Variants in AGBL4 observed in about 807,000 individuals in gnomAD.
AGBL4 encodes AGBL carboxypeptidase 4.
Under a neutral mutation model 66.4 loss-of-function variants are expected in AGBL4, and 58 were observed. The observed-to-expected ratio is 0.87, with a 90% confidence interval of 0.71 to 1.09. The LOEUF (loss-of-function observed/expected upper bound fraction) is 1.09, where lower values mean the gene tolerates loss of function less well. Among genes scored for constraint, AGBL4 ranks in the 50% least tolerant of loss-of-function variants. The pLI is 0.00. For synonymous variants in AGBL4, 234 were observed against 222.9 expected (o/e 1.05, Z -0.44); for missense variants, 579 against 631.0 (o/e 0.92, Z 0.88).
intron 3 of AGBL4, among the ~76,000 whole-genome samples, chr1:49,273,051 T>G (rs1233019604): frequency 6.6e-6 from 1 of 152,192 alleles, no homozygotes; most frequent in Non-Finnish European, 1.5e-5. Context: ...GTCTGTGAGC[T>G]TATGTCTTCA....
intron 4 of AGBL4, among the ~76,000 whole-genome samples, chr1:49,058,971 A>C (rs1267192176): frequency 6.6e-6 from 1 of 152,230 alleles, no homozygotes. Flanking sequence ...AGAGCAGAAA[A>C]GTTTGGAAAA....
chr1:49,670,286 C>CA (rs1334737157), intron 3 of AGBL4, among the ~76,000 whole-genome samples: 1 of 152,030 alleles, frequency 6.6e-6, no homozygotes, highest in Non-Finnish European at 1.5e-5. Context: ...TGGTGCTAAC[C>CA]AAAAAACAAA....
chr1:49,226,207 C>A (rs747126099), intron 4 of AGBL4, among the ~76,000 whole-genome samples: 1 of 152,050 alleles, frequency 6.6e-6, no homozygotes, highest in Non-Finnish European at 1.5e-5. Context: ...ACATTTCCAG[C>A]CTTAATGCAT....
At chr1:48,806,292 G>T (rs543860996) in intron 6 of AGBL4, among the ~76,000 whole-genome samples, 1 of 152,158 alleles carries the variant, frequency 6.6e-6, no homozygotes, top group Non-Finnish European at 1.5e-5. Flanking sequence ...GGGGCAAAAA[G>T]ATGTGACTTC....
intron 6 of AGBL4, among the ~76,000 whole-genome samples, chr1:48,860,651 G>A (rs1647385760): frequency 6.6e-6 from 1 of 152,172 alleles, no homozygotes; most frequent in Non-Finnish European, 1.5e-5. Flanking sequence ...GAGGAATATA[G>A]ACTCAGGAAC....
chr1:49,177,135 C>A (rs186974637), intron 4 of AGBL4, among the ~76,000 whole-genome samples: 1 of 152,160 alleles, frequency 6.6e-6, no homozygotes, highest in Admixed American at 6.5e-5. Flanking sequence ...AATAGTTAAA[C>A]CCCTGAGTTC....
intron 1 of AGBL4, among the ~76,000 whole-genome samples, chr1:49,983,518 A>G (rs1659249358): frequency 6.6e-6 from 1 of 152,240 alleles, no homozygotes; most frequent in Non-Finnish European, 1.5e-5. Flanking sequence ...AGCACAAGTC[A>G]CAGGCAGCCT....
At chr1:49,927,221 T>C (rs892708962) in intron 1 of AGBL4, among the ~76,000 whole-genome samples, 1 of 152,170 alleles carries the variant, frequency 6.6e-6, no homozygotes, top group African/African-American at 2.4e-5. Flanking sequence ...ATCAATACTT[T>C]GCATCTACAA....
chr1:49,860,615 C>A (rs1249463279), intron 1 of AGBL4, among the ~76,000 whole-genome samples: 1 of 152,164 alleles, frequency 6.6e-6, no homozygotes, highest in Non-Finnish European at 1.5e-5. Flanking sequence ...GGAAGAATCA[C>A]CTCAGCCCAG....
At chr1:49,489,948 G>C (rs1383536512) in intron 3 of AGBL4, among the ~76,000 whole-genome samples, 1 of 151,532 alleles carries the variant, frequency 6.6e-6, no homozygotes, top group African/African-American at 2.4e-5. Flanking sequence ...TTTTCTCTTG[G>C]ATTTTCTATG....
chr1:48,904,209 G>T (rs865980947), intron 5 of AGBL4, among the ~76,000 whole-genome samples: 2 of 152,160 alleles, frequency 1.3e-5, no homozygotes, highest in African/African-American at 2.4e-5. Flanking sequence ...AACCTGGGAG[G>T]CAGAGGTTGC....
At chr1:49,335,941 TTTTCCTAAATGGCATATGTTAGTCTGGG>T (rs759779958) in intron 3 of AGBL4, among the ~76,000 whole-genome samples, 12 of 152,138 alleles carry the variant, frequency 7.9e-5, no homozygotes, top group Non-Finnish European at 1.6e-4. Flanking sequence ...GTGTGTTCTT[TTTTCCTAAATGGCATATGTTAGTCTGGG>T]TTCTCCAGAG....
intron 3 of AGBL4, among the ~76,000 whole-genome samples, chr1:49,644,507 T>C (rs1405964809): frequency 1.3e-5 from 2 of 151,560 alleles, no homozygotes; most frequent in East Asian, 3.8e-4. Flanking sequence ...AATGTCTATA[T>C]TAATATCAAA....
chr1:49,620,517 C>G (rs6684606), intron 3 of AGBL4, among the ~76,000 whole-genome samples: 103,802 of 152,060 alleles, frequency 0.68, 36,154 homozygotes, highest in African/African-American at 0.77. Context: ...TACACTGTTG[C>G]TGGGAGTGTC....
intron 4 of AGBL4, among the ~76,000 whole-genome samples, chr1:49,071,706 A>G (rs1197746897): frequency 6.6e-6 from 1 of 151,996 alleles, no homozygotes; most frequent in African/African-American, 2.4e-5. Context: ...GGTGCTGAGA[A>G]GAATGCATAT....
At position 49,176,637 on chromosome 1, in the gene AGBL4, C is replaced by T. The variant is rs146818996; in HGVS notation, c.377+69133G>A. On this transcript the variant is annotated intron_variant, in intron 4 of 13. Transcript: ENST00000371839. ...ATGCACAGATGATAGAACACATGGA[C>T]TTTGCGCAAACTGCTTCTAATGAGA... Among the ~76,000 whole-genome samples, 720 of 152,212 alleles carry T rather than the reference C, an allele frequency of 4.7e-3. 5 individuals carry two copies. Among genetic ancestry groups the T allele is most frequent in the African/African-American group, 0.017 (688 of 41,534 alleles).
Position 49,045,759 on chromosome 1 carries a change from G to A in AGBL4, c.419C>T (p.Pro140Leu), listed in dbSNP as rs370128287. 1.9e-5 allele frequency: 29 copies of A among 1,551,462 alleles called. No individual in the cohort carries two copies. In the African/African-American group the frequency reaches 1.9e-4, roughly 10 times the overall value. Residue 140 changes from proline to leucine, a missense_variant, in exon 5 of 14, where the codon CCG becomes CTG. Transcript: ENST00000371839. ...CATCACATAGTTCTTCCTATGGTCCGGGCAGCGGTAGTAGTAAACATTTTT... is the reference window on the plus strand; with the variant it reads ...CATCACATAGTTCTTCCTATGGTCCAGGCAGCGGTAGTAGTAAACATTTTT... ...PPKNVYYYRCPDHRKNYVMSF... is the reference protein window; with the variant it reads ...PPKNVYYYRCLDHRKNYVMSF...
chr1:49,845,152 A>G (rs1646104635), intron 2 of AGBL4: 1 of 1,397,494 alleles, frequency 7.2e-7, no homozygotes, highest in Admixed American at 1.7e-5. Context: ...TACAGGACAG[A>G]GACCTTATGA....
intron 5 of AGBL4, among the ~76,000 whole-genome samples, chr1:48,938,207 T>C (rs1655639313): frequency 6.6e-6 from 1 of 152,150 alleles, no homozygotes. Context: ...AGCACTGGCG[T>C]CTTACCTGCC....
Sources: allele counts gnomAD v4.1 joint callset (sites outside exome capture counted in the v4.1 genomes callset), GRCh38; gene constraint gnomAD v4.1.1; transcripts MANE v1.5; gene names NCBI Gene and HGNC (gene_info 2026-07-23, HGNC 2026-07-21).